Variants in DIP2B observed in about 807,000 individuals in gnomAD.
The protein encoded by DIP2B is disco-interacting protein 2 homolog B.
In DIP2B, 76 loss-of-function variants were observed where a neutral mutation model predicts 198.0. The ratio of observed to expected loss-of-function variants is 0.38; its 90% CI spans 0.32 to 0.46. The LOEUF is 0.46. DIP2B is among the 20% of genes least tolerant of loss of function. DIP2B has a pLI of 0.99. For synonymous variants in DIP2B, 701 were observed against 739.1 expected, an observed-to-expected ratio of 0.95 and a Z score of 0.84; for missense variants, 1,559 against 1,978.4, an observed-to-expected ratio of 0.79 and a Z score of 4.02.
At chr12:50,607,470 T>C (rs1323356886) in intron 1 of DIP2B, among the ~76,000 whole-genome samples, 1 of 152,248 alleles carries the variant, frequency 6.6e-6, no homozygotes, top group African/African-American at 2.4e-5. Context: ...CATTACTTAT[T>C]TTTTATCAAA....
chr12:50,543,520 C>T (rs1055529249), intron 1 of DIP2B, among the ~76,000 whole-genome samples: 5 of 151,890 alleles, frequency 3.3e-5, no homozygotes, highest in African/African-American at 7.3e-5. Flanking sequence ...AACTCCTGAC[C>T]TCAGGTGATC....
intron 34 of DIP2B, among the ~76,000 whole-genome samples, chr12:50,735,878 G>A (rs1940130696): frequency 6.6e-6 from 1 of 152,144 alleles, no homozygotes; most frequent in African/African-American, 2.4e-5. Context: ...AATAAAAATG[G>A]GGATGAGATT....
chr12:50,511,559 C>T (rs532186250), intron 1 of DIP2B, among the ~76,000 whole-genome samples: 120 of 152,130 alleles, frequency 7.9e-4, no homozygotes, highest in African/African-American at 2.7e-3. Context: ...TCCCAAAGTG[C>T]TGGGATTACA....
chr12:50,636,660 G>T (rs1308952596), intron 2 of DIP2B, among the ~76,000 whole-genome samples: 2 of 152,178 alleles, frequency 1.3e-5, no homozygotes, highest in Non-Finnish European at 2.9e-5. Flanking sequence ...GGTCCTCACT[G>T]TGTGACCAGC....
chr12:50,555,328 T>C (rs1958461138), intron 1 of DIP2B, among the ~76,000 whole-genome samples: 1 of 152,190 alleles, frequency 6.6e-6, no homozygotes, highest in African/African-American at 2.4e-5. Flanking sequence ...TGTATTTTCA[T>C]AGTGTAAGTC....
intron 22 of DIP2B, among the ~76,000 whole-genome samples, chr12:50,710,897 C>T (rs1177688603): frequency 6.6e-6 from 1 of 152,160 alleles, no homozygotes; most frequent in Non-Finnish European, 1.5e-5. Context: ...TGAAAGATGG[C>T]TAAGGGGCAG....
At chr12:50,538,700 A>G (rs1958292320) in intron 1 of DIP2B, among the ~76,000 whole-genome samples, 2 of 152,192 alleles carry the variant, frequency 1.3e-5, no homozygotes, top group African/African-American at 4.8e-5. Flanking sequence ...TATAACAAAA[A>G]TTAGTCTTCA....
intron 37 of DIP2B, among the ~76,000 whole-genome samples, chr12:50,743,882 A>G (rs1037544759): frequency 1.3e-5 from 2 of 152,260 alleles, no homozygotes; most frequent in African/African-American, 2.4e-5. Context: ...CTTACTTTCT[A>G]GAGCCATATG....
At chr12:50,557,383 A>G (rs1958480728) in intron 1 of DIP2B, among the ~76,000 whole-genome samples, 1 of 152,160 alleles carries the variant, frequency 6.6e-6, no homozygotes, top group South Asian at 2.1e-4. Context: ...AGGAGTGAGT[A>G]GATTCCCAGA....
chr12:50,600,900 C>G (rs556186281), intron 1 of DIP2B, among the ~76,000 whole-genome samples: 270 of 137,312 alleles, frequency 2.0e-3, no homozygotes, highest in Non-Finnish European at 3.4e-3. Context: ...ACCATCACCA[C>G]CACCACCACC....
Position 50,548,011 on chromosome 12 carries a change from G to T in DIP2B, c.100+42771G>T, listed in dbSNP as rs1013299395. Among the ~76,000 whole-genome samples the T allele has an allele frequency of 3.9e-5, 6 of 152,196 alleles. No individual in the cohort carries two copies. In the East Asian group the frequency reaches 9.6e-4, roughly 24 times the overall value. ...TTGAGCCTAGTAGTCCAAGGCTGCTGTGGGCTAGGACAGCACTCCTGCACT... is the reference window on the plus strand; with the variant it reads ...TTGAGCCTAGTAGTCCAAGGCTGCTTTGGGCTAGGACAGCACTCCTGCACT... On this transcript the variant is annotated intron_variant, in intron 1 of 37. Coordinates refer to ENST00000301180, the MANE Select transcript of DIP2B (RefSeq NM_173602.3).
At chr12:50,505,682 C>T (rs1277529500) in intron 1 of DIP2B, among the ~76,000 whole-genome samples, 2 of 152,084 alleles carry the variant, frequency 1.3e-5, no homozygotes, top group African/African-American at 4.8e-5. Flanking sequence ...CAAAAAGAGA[C>T]ACATGGGAAA....
intron 34 of DIP2B, among the ~76,000 whole-genome samples, chr12:50,735,589 C>T (rs1423324612): frequency 1.3e-5 from 2 of 152,090 alleles, no homozygotes; most frequent in Admixed American, 6.5e-5. Context: ...CCTCAGCCTC[C>T]GAGTAGCCGG....
intron 19 of DIP2B, among the ~76,000 whole-genome samples, chr12:50,699,591 A>G (rs569693270): frequency 3.8e-4 from 58 of 152,170 alleles, no homozygotes; most frequent in African/African-American, 1.3e-3. Flanking sequence ...TGTAATCCCA[A>G]CACCTTTGGA....
chr12:50,622,790 T>A (rs1056958991), intron 1 of DIP2B, among the ~76,000 whole-genome samples: 5 of 152,156 alleles, frequency 3.3e-5, no homozygotes, highest in Non-Finnish European at 5.9e-5. Flanking sequence ...TTTTGTATTT[T>A]TAGCAGAGAC....
intron 5 of DIP2B, among the ~76,000 whole-genome samples, chr12:50,673,438 C>T (rs1036915055): frequency 1.3e-5 from 2 of 152,154 alleles, no homozygotes; most frequent in African/African-American, 4.8e-5. Context: ...GTTGTCGTTA[C>T]GTGTCCCTGT....
chr12:50,731,498 C>T lies in DIP2B; in HGVS notation c.3771C>T (p.Leu1257=), dbSNP rs775269219. The T allele has an allele frequency of 6.2e-7, 1 of 1,614,064 alleles. No homozygotes were observed. The highest frequency in any genetic ancestry group is 1.7e-5 in the Admixed American group (1 of 60,004). The part of the protein sequence containing the change: ...DTFCSYSVME[L]CTKGLGNQVE... Reference sequence around the variant, plus strand: ...TCTGCTCCTATTCAGTGATGGAGCTCTGCACCAAAGGTCTTGGGAACCAAG... The same window carrying T: ...TCTGCTCCTATTCAGTGATGGAGCTTTGCACCAAAGGTCTTGGGAACCAAG... The change falls in exon 31 of 38, where the codon CTC becomes CTT. Residue 1257 remains leucine, a synonymous_variant. Coordinates refer to ENST00000301180, the MANE Select transcript of DIP2B (RefSeq NM_173602.3).
intron 1 of DIP2B, among the ~76,000 whole-genome samples, chr12:50,553,477 C>G (rs1001923364): frequency 1.3e-5 from 2 of 152,114 alleles, no homozygotes; most frequent in African/African-American, 4.8e-5. Flanking sequence ...CAAGAGACAG[C>G]CTGTATGTTG....
intron 1 of DIP2B, among the ~76,000 whole-genome samples, chr12:50,516,752 A>T (rs1483487949): frequency 6.6e-6 from 1 of 152,000 alleles, no homozygotes; most frequent in Non-Finnish European, 1.5e-5. Context: ...AGGTGGGCGG[A>T]TCACCTGAGG....
Sources: gnomAD v4.1 joint callset for allele counts (sites outside exome capture counted in the v4.1 genomes callset) on GRCh38, gnomAD v4.1.1 for gene constraint, MANE v1.5 for transcripts, NCBI Gene and HGNC (gene_info 2026-07-23, HGNC 2026-07-21) for gene names.